PARP11: variants seen among roughly 807,000 people sequenced by gnomAD.
PARP11 encodes the protein protein mono-ADP-ribosyltransferase PARP11.
PARP11 carries 31 observed loss-of-function variants against 42.9 expected under a neutral mutation model. The observed-to-expected ratio is 0.72, with a 90% CI of 0.54 to 0.98. PARP11 has a LOEUF of 0.98. PARP11 is among the 50% of genes least tolerant of loss of function. The probability of loss-of-function intolerance (pLI) is 0.00; values close to 1 mark genes in which losing one functional copy is unlikely to be tolerated. For synonymous variants in PARP11, 137 were observed against 127.3 expected (o/e 1.08, Z -0.51); for missense variants, 365 against 413.1 (o/e 0.88, Z 1.01).
At chr12:3,835,279 G>A (rs1268559413) in intron 1 of PARP11, among the ~76,000 whole-genome samples, 4 of 152,186 alleles carry the variant, frequency 2.6e-5, no homozygotes, top group East Asian at 3.9e-4. Flanking sequence ...CACATAAGTA[G>A]TCAGGTTAAG....
intron 1 of PARP11, among the ~76,000 whole-genome samples, chr12:3,852,698 G>C (rs1006099480): frequency 3.3e-5 from 5 of 152,172 alleles, no homozygotes; most frequent in Non-Finnish European, 5.9e-5. Flanking sequence ...AACCAAGCTA[G>C]AAACACTCTT....
intron 4 of PARP11, among the ~76,000 whole-genome samples, chr12:3,825,821 G>A (rs1033301089): frequency 2.0e-5 from 3 of 152,030 alleles, no homozygotes; most frequent in Admixed American, 6.6e-5. Context: ...CCGCCTCACG[G>A]GTTCACACCA....
intron 1 of PARP11, among the ~76,000 whole-genome samples, chr12:3,834,788 AGAGAG>A (rs1212365974): frequency 3.4e-5 from 5 of 148,106 alleles, no homozygotes; most frequent in Non-Finnish European, 7.5e-5. Context: ...CTCTTAGATC[AGAGAG>A]GAGTCAGAAA....
chr12:3,862,153 C>T (rs1948303732), intron 1 of PARP11, among the ~76,000 whole-genome samples: 2 of 152,136 alleles, frequency 1.3e-5, no homozygotes, highest in African/African-American at 4.8e-5. Context: ...CTCAGCCAGG[C>T]ATAGTGGCTC....
chr12:3,827,965 AAACT>A (rs1565535978), intron 3 of PARP11, among the ~76,000 whole-genome samples: 1 of 152,242 alleles, frequency 6.6e-6, no homozygotes, highest in African/African-American at 2.4e-5. Context: ...TAAATAGCTG[AAACT>A]AACAGCCTGA....
At chr12:3,818,045 A>G (rs954223982) in intron 6 of PARP11, among the ~76,000 whole-genome samples, 1 of 152,202 alleles carries the variant, frequency 6.6e-6, no homozygotes, top group African/African-American at 2.4e-5. Context: ...GATCAATCCA[A>G]CCATTTCCAC....
At chr12:3,839,979 G>A (rs1947853228) in intron 1 of PARP11, 1 of 1,492,936 alleles carries the variant, frequency 6.7e-7, no homozygotes, top group African/African-American at 1.4e-5. Flanking sequence ...TTAAACCTTT[G>A]TCAGGCAACG....
At chr12:3,820,174 G>T in intron 6 of PARP11, among the ~76,000 whole-genome samples, 1 of 152,280 alleles carries the variant, frequency 6.6e-6, no homozygotes, top group Non-Finnish European at 1.5e-5. Context: ...CAAGTGCCCA[G>T]AACAGTGCTT....
At chr12:3,873,001 A>C (rs938222106) in intron 1 of PARP11, among the ~76,000 whole-genome samples, 2 of 152,254 alleles carry the variant, frequency 1.3e-5, no homozygotes, top group African/African-American at 4.8e-5. Flanking sequence ...AATTGTAACA[A>C]GAAAACAATA....
At chr12:3,843,764 CTG>C (rs1361537619) in intron 1 of PARP11, among the ~76,000 whole-genome samples, 1 of 152,172 alleles carries the variant, frequency 6.6e-6, no homozygotes, top group Non-Finnish European at 1.5e-5. Flanking sequence ...ATTCATTCAT[CTG>C]TGTTATTTTG....
chr12:3,824,871 G>A (rs73251459), intron 4 of PARP11, among the ~76,000 whole-genome samples: 1,857 of 152,186 alleles, frequency 0.012, 44 homozygotes, highest in African/African-American at 0.042. Context: ...TGGATATGAC[G>A]TAGCTAGTAA....
intron 3 of PARP11, among the ~76,000 whole-genome samples, chr12:3,828,104 T>C (rs1471720392): frequency 6.6e-6 from 1 of 152,160 alleles, no homozygotes; most frequent in Non-Finnish European, 1.5e-5. Flanking sequence ...AAGAGCCAAA[T>C]CAATCAGAAA....
At chr12:3,862,463 ATATG>A (rs1271279690) in intron 1 of PARP11, among the ~76,000 whole-genome samples, 1 of 151,914 alleles carries the variant, frequency 6.6e-6, no homozygotes, top group African/African-American at 2.4e-5. Flanking sequence ...AAAAATAAAT[ATATG>A]TATTTTTTTT....
chr12:3,846,879 G>A (rs1276150367), intron 1 of PARP11, among the ~76,000 whole-genome samples: 1 of 152,090 alleles, frequency 6.6e-6, no homozygotes, highest in Admixed American at 6.5e-5. Context: ...ATGGCCAGGA[G>A]TTCAAGACCA....
intron 1 of PARP11, among the ~76,000 whole-genome samples, chr12:3,842,888 T>C (rs1947922592): frequency 6.6e-6 from 1 of 152,244 alleles, no homozygotes; most frequent in Non-Finnish European, 1.5e-5. Flanking sequence ...TTTATAGTGC[T>C]TACTAAAGTG....
chr12:3,849,326 A>G (rs928571565), intron 1 of PARP11, among the ~76,000 whole-genome samples: 1 of 152,152 alleles, frequency 6.6e-6, no homozygotes, highest in Non-Finnish European at 1.5e-5. Flanking sequence ...AAGAAAAAAA[A>G]TCAGTACACT....
chr12:3,843,588 G>A (rs772095127), intron 1 of PARP11, among the ~76,000 whole-genome samples: 5 of 152,102 alleles, frequency 3.3e-5, no homozygotes, highest in Non-Finnish European at 7.4e-5. Flanking sequence ...TTTTCTAGAG[G>A]ATGCTGCTAG....
chr12:3,826,494 C>T (rs1373062943), intron 3 of PARP11, among the ~76,000 whole-genome samples: 3 of 152,214 alleles, frequency 2.0e-5, no homozygotes, highest in Admixed American at 2.0e-4. Flanking sequence ...GCTCAGTATG[C>T]ACGGTCTATT....
chr12:3,835,177 A>G (rs1947731919), intron 1 of PARP11, among the ~76,000 whole-genome samples: 2 of 152,284 alleles, frequency 1.3e-5, no homozygotes, highest in South Asian at 2.1e-4. Flanking sequence ...AGCCACACAC[A>G]CATTTAACAC....
Sources: gnomAD v4.1 joint callset for allele counts (sites outside exome capture counted in the v4.1 genomes callset) on GRCh38, gnomAD v4.1.1 for gene constraint, MANE v1.5 for transcripts, NCBI Gene and HGNC (gene_info 2026-07-23, HGNC 2026-07-21) for gene names.